The following HRC variants were observed in gnomAD, a reference collection of about 807,000 sequenced individuals.
HRC encodes the protein sarcoplasmic reticulum histidine-rich calcium-binding protein.
A neutral mutation model predicts 61.4 loss-of-function variants in HRC; 41 were observed. That is an observed-to-expected ratio of 0.67 (90% CI 0.52 to 0.87). The LOEUF (loss-of-function observed/expected upper bound fraction) is 0.87. Among genes scored for constraint, HRC ranks in the 40% least tolerant of loss-of-function variants. The pLI, the probability that HRC is intolerant of heterozygous loss-of-function variation, is 0.00. For synonymous variants in HRC, 308 were observed against 326.6 expected, an observed-to-expected ratio of 0.94 and a Z score of 0.62; for missense variants, 839 against 885.8, an observed-to-expected ratio of 0.95 and a Z score of 0.67.
In HRC at chr19:49,152,354, G is replaced by C. The variant is rs759956517; in HGVS notation, c.1927C>G (p.His643Asp). 2 of 1,613,710 alleles carry C rather than the reference G, an allele frequency of 1.2e-6. No homozygotes were observed. The highest frequency in any genetic ancestry group is 2.2e-5 in the South Asian group (2 of 91,040). ...TCACCCATGTTCTCCTCATCACAGT[G>C]ACAGCTCTCACATTCAGTGCATCGC... is the stretch of plus-strand genomic sequence containing the variant. ...CNRCTECESC[H>D]CDEENMGEHC... The change falls in exon 3 of 6, where the codon CAC (histidine) becomes GAC (aspartate). Residue 643 changes from histidine (H) to aspartate (D), a missense_variant. By Grantham distance (81) the His-to-Asp change is moderately conservative. Transcript: ENST00000252825.
chr19:49,153,388 A>T lies in HRC; in HGVS notation c.1831+19T>A. The T allele has an allele frequency of 6.2e-7, 1 of 1,612,952 alleles. No homozygotes were observed. The highest frequency in any genetic ancestry group is 1.1e-5 in the South Asian group (1 of 91,028). On this transcript the variant is annotated intron_variant, in intron 1 of 5. Coordinates refer to ENST00000252825, the MANE Select transcript of HRC (RefSeq NM_002152.3). This position sits in a 1 kb window ranked among gnomAD's most constrained non-coding sequence, Gnocchi z 4.8. ...GCTGACTCGGTTCCTTCCCACCCAC[A>T]CCAGCCCAGGCCACTTACCTGTGTC...
At chr19:49,152,525 A>T (rs1160589228) in intron 2 of HRC, 147 bp from the exon 3 acceptor site, 1 of 503,534 alleles carries the variant, frequency 2.0e-6, no homozygotes, top group Non-Finnish European at 3.3e-6. Flanking sequence ...CCCCCAAACC[A>T]GCCTCCCCTC....
At position 49,153,335 on chromosome 19, in the gene HRC, C is replaced by CGG. The variant is rs745885568; in HGVS notation, c.1832-6_1832-5dup. The stretch of plus-strand genomic sequence containing the variant: ...TACTCCTGAGCATCCTGTGGACCTG[C>CGG]GGGGACAGGAGGGCAGCAGTGACCC... On this transcript the variant is annotated splice_polypyrimidine_tract_variant and splice_region_variant and intron_variant, in intron 1 of 5. Transcript: ENST00000252825. This position sits in a 1 kb window ranked among gnomAD's most constrained non-coding sequence, Gnocchi z 4.8. The CGG allele has an allele frequency of 1.9e-6, 3 of 1,613,162 alleles. No individual in the cohort carries two copies. The highest frequency in any genetic ancestry group is 1.7e-5 in the Admixed American group (1 of 60,000).
In HRC at chr19:49,154,951, G is replaced by A. The variant is rs1414908749; in HGVS notation, c.287C>T (p.Ser96Phe). The A allele has an allele frequency of 7.4e-6, 12 of 1,614,034 alleles. No homozygotes were observed. The highest frequency in any genetic ancestry group is 9.3e-6 in the Non-Finnish European group (11 of 1,180,044). ...TGGGAGTAGGTGCCCATATTCCTTG[G>A]AGACATCTTCATCCTCCTTTTCACG... is the stretch of plus-strand genomic sequence containing the variant. ...PDREKEDEDV[S>F]KEYGHLLPGH... Residue 96 changes from serine to phenylalanine, a missense_variant, in exon 1 of 6, where the codon TCC becomes TTC. Ser to Phe is a radical substitution (Grantham distance 155). Coordinates refer to ENST00000252825, the MANE Select transcript of HRC (RefSeq NM_002152.3).
At position 49,154,245 on chromosome 19, in the gene HRC, A is replaced by C. The variant is rs760409119; in HGVS notation, c.993T>G (p.Ala331=). Residue 331 remains alanine, a synonymous_variant, in exon 1 of 6, where the codon GCT becomes GCG. Transcript: ENST00000252825. Reference sequence around the variant, plus strand: ...CATGATGGTGGTGTTCACCTGAGACAGCCTCAACCTCTTCCTTTCTGTGGT... The same window carrying C: ...CATGATGGTGGTGTTCACCTGAGACCGCCTCAACCTCTTCCTTTCTGTGGT... ...HQDHRKEEVE[A]VSGEHHHHVP... 6.2e-7 allele frequency: 1 copy of C among 1,613,028 alleles called. No homozygotes were observed. The highest frequency in any genetic ancestry group is 1.1e-5 in the South Asian group (1 of 91,016).
Position 49,153,224 on chromosome 19 carries a change from G to A in HRC, c.1902+37C>T, listed in dbSNP as rs907501648. The A allele has an allele frequency of 6.5e-7, 1 of 1,542,200 alleles. No individual in the cohort carries two copies. Among genetic ancestry groups the A allele is most frequent in the African/African-American group, 1.4e-5 (1 of 73,476 alleles). ...CCAGGGCCCCTGGGACAGATTCTGG[G>A]GACACCTTGGTGGGTGGATCTGGGC... On this transcript the variant is annotated intron_variant, in intron 2 of 5. Transcript: ENST00000252825. The surrounding 1 kb of genome is among the most constrained non-coding windows in gnomAD (Gnocchi z 4.8).
At position 49,153,922 on chromosome 19, in the gene HRC, G is replaced by A; in HGVS notation, c.1316C>T (p.Pro439Leu). 6.2e-7 allele frequency: 1 copy of A among 1,613,828 alleles called. No individual in the cohort carries two copies. Among genetic ancestry groups the A allele is most frequent in the South Asian group, 1.1e-5 (1 of 91,046 alleles). Reference sequence around the variant, plus strand: ...ATCTTGGTGGCTTTGCCTGTGGCTGGGGGCCTGGTGGCCAAGCTCAGCAGA... The same window carrying A: ...ATCTTGGTGGCTTTGCCTGTGGCTGAGGGCCTGGTGGCCAAGCTCAGCAGA... ...EVSAELGHQA[P>L]SHRQSHQDEE... is the part of the protein sequence containing the mutation. The change falls in exon 1 of 6, where the codon CCC (proline) becomes CTC (leucine). Residue 439 changes from proline (P) to leucine (L), a missense_variant. Physicochemically the swap from Pro to Leu is moderately conservative, Grantham distance 98. Coordinates refer to ENST00000252825, the MANE Select transcript of HRC (RefSeq NM_002152.3). This position sits in a 1 kb window ranked among gnomAD's most constrained non-coding sequence, Gnocchi z 4.8.
At position 49,154,208 on chromosome 19, in the gene HRC, T is replaced by G; in HGVS notation, c.1030A>C (p.Arg344=). Residue 344 remains arginine (R), a synonymous_variant, in exon 1 of 6, where the codon AGG becomes CGG. Coordinates refer to ENST00000252825, the MANE Select transcript of HRC (RefSeq NM_002152.3). ...GEHHHHVPDH[R]HQGHRDEEED... ...TCCTCGTCTCTGTGGCCTTGGTGCC[T>G]GTGGTCAGGGACATGATGGTGGTGT... 6.2e-7 allele frequency: 1 copy of G among 1,613,876 alleles called. No homozygotes were observed. The highest frequency in any genetic ancestry group is 8.5e-7 in the Non-Finnish European group (1 of 1,179,918).
At chr19:49,151,957 G>A (rs2041364207) in intron 4 of HRC, 47 bp downstream of exon 4, 3 of 1,586,674 alleles carry the variant, frequency 1.9e-6, no homozygotes, top group East Asian at 4.5e-5. Context: ...CACCACGCTG[G>A]GCCCGGCACC....
chr19:49,152,128 G>A, intron 3 of HRC, 70 bp from the exon 4 acceptor site: 1 of 1,430,524 alleles, frequency 7.0e-7, no homozygotes, highest in Non-Finnish European at 9.9e-7. Context: ...ATGGGGCCGG[G>A]ACCAGACCCG....
chr19:49,151,478 T>C (rs752876031), intron 5 of HRC, 39 bp downstream of exon 5: 1 of 1,609,228 alleles, frequency 6.2e-7, no homozygotes, highest in East Asian at 2.2e-5. Flanking sequence ...AGCACTTCTC[T>C]AAACGGGGCT....
At chr19:49,152,448 C>A in intron 2 of HRC, 70 bp from the exon 3 acceptor site, 2 of 1,291,450 alleles carry the variant, frequency 1.5e-6, no homozygotes, top group South Asian at 1.3e-5. Context: ...CCCTGGCCCA[C>A]CCCTGCACCC....
Position 49,154,282 on chromosome 19 carries a change from T to C in HRC, c.956A>G (p.His319Arg). The C allele has an allele frequency of 6.2e-7, 1 of 1,613,408 alleles. No individual in the cohort carries two copies. Among genetic ancestry groups the C allele is most frequent in the South Asian group, 1.1e-5 (1 of 91,024 alleles). Residue 319 changes from histidine (H) to arginine (R), a missense_variant, in exon 1 of 6, where the codon CAC (histidine) becomes CGC (arginine). Physicochemically the swap from His to Arg is conservative, Grantham distance 29. Transcript: ENST00000252825. ...TTCCTTTCTGTGGTCTTGGTGCCTG[T>C]GGGCCTGGTGTCCATACTCAGTGGA... Reference protein sequence around the residue: ...DVSTEYGHQAHRHQDHRKEEV... With the variant: ...DVSTEYGHQARRHQDHRKEEV...
In HRC at chr19:49,151,537, A is replaced by C; in HGVS notation, c.2043T>G (p.Tyr681Ter). 6.2e-7 allele frequency: 1 copy of C among 1,613,916 alleles called. No individual in the cohort carries two copies. The highest frequency in any genetic ancestry group is 1.1e-5 in the South Asian group (1 of 91,060). The change falls in exon 5 of 6, where the codon TAT (tyrosine) becomes TAG (stop). Residue 681 changes from tyrosine (Y) to a stop codon, truncating the protein, a stop_gained. Coordinates refer to ENST00000252825, the MANE Select transcript of HRC (RefSeq NM_002152.3). LOFTEE classifies it high-confidence loss of function. Reference protein sequence around the residue: ...TVCAPGSYVDYFSSSLYQALA... With the variant: ...TVCAPGSYVD ...CTTACTGATAAAGGGACGAGGAGAA[A>C]TAGTCAACGTAGCTTCCTGTGGGAC...
At chr19:49,152,717 G>A (rs1039275526) in intron 2 of HRC, among the ~76,000 whole-genome samples, 4 of 151,850 alleles carry the variant, frequency 2.6e-5, no homozygotes, top group Non-Finnish European at 4.4e-5. Flanking sequence ...TTACAGGTGC[G>A]TGCCACCACG....
intron 3 of HRC, 112 bp from the exon 4 acceptor site, chr19:49,152,170 G>T: frequency 1.6e-6 from 2 of 1,288,792 alleles, no homozygotes; most frequent in Non-Finnish European, 1.1e-6. Context: ...TAAGGTTGGA[G>T]TCAGGATCGC....
chr19:49,154,703 T>C lies in HRC; in HGVS notation c.535A>G (p.Arg179Gly). 3 of 1,614,000 alleles carry C rather than the reference T, an allele frequency of 1.9e-6. No individual in the cohort carries two copies. The highest frequency in any genetic ancestry group is 2.5e-6 in the Non-Finnish European group (3 of 1,179,974). ...VSSEHHHHIL[R>G]HGHRGHDGED... Reference sequence around the variant, plus strand: ...CCATCATGGCCTCGGTGTCCATGCCTGAGGATATGATGGTGATGCTCACTG... The same window carrying C: ...CCATCATGGCCTCGGTGTCCATGCCCGAGGATATGATGGTGATGCTCACTG... The change falls in exon 1 of 6, where the codon AGG (arginine) becomes GGG (glycine). Residue 179 changes from arginine to glycine, a missense_variant. Physicochemically the swap from Arg to Gly is moderately radical, Grantham distance 125. Transcript: ENST00000252825.
At position 49,154,604 on chromosome 19, in the gene HRC, G is replaced by C. The variant is rs1311701238; in HGVS notation, c.634C>G (p.Gln212Glu). The C allele has an allele frequency of 6.2e-7, 1 of 1,603,838 alleles. No individual in the cohort carries two copies. Among genetic ancestry groups the C allele is most frequent in the Non-Finnish European group, 8.5e-7 (1 of 1,172,372 alleles). The change falls in exon 1 of 6, where the codon CAG becomes GAG. Residue 212 changes from glutamine (Q) to glutamate (E), a missense_variant. Transcript: ENST00000252825. ...EEEASTEYGH[Q>E]AHRHRGHGSE... ...CCATGGCCTCGGTGCCTGTGGGCCT[G>C]GTGTCCATACTCAGTGGAGGCCTCC...
At position 49,154,254 on chromosome 19, in the gene HRC, C is replaced by T. The variant is rs537238330; in HGVS notation, c.984G>A (p.Glu328=). ...GGTGTTCACCTGAGACAGCCTCAAC[C>T]TCTTCCTTTCTGTGGTCTTGGTGCC... ...AHRHQDHRKE[E]VEAVSGEHHH... Residue 328 remains glutamate (E), a synonymous_variant, in exon 1 of 6, where the codon GAG becomes GAA. Transcript: ENST00000252825. 2.9e-5 allele frequency: 47 copies of T among 1,613,002 alleles called. No individual in the cohort carries two copies. The Admixed American group carries it at 5.2e-4, about 18-fold the overall frequency.
Sources: allele counts gnomAD v4.1 joint callset (sites outside exome capture counted in the v4.1 genomes callset), GRCh38; gene constraint gnomAD v4.1.1; non-coding constraint Gnocchi (gnomAD v3.1); transcripts MANE v1.5; gene names NCBI Gene and HGNC (gene_info 2026-07-23, HGNC 2026-07-21).